Variants in ADAMTSL1 observed in about 807,000 individuals in gnomAD.
ADAMTSL1 encodes ADAMTS-like protein 1.
A neutral mutation model predicts 201.8 loss-of-function variants in ADAMTSL1; 126 were observed. The observed-to-expected ratio is 0.62, with a 90% CI of 0.54 to 0.72. The LOEUF (loss-of-function observed/expected upper bound fraction) is 0.72, where lower values mean the gene tolerates loss of function less well. Among genes scored for constraint, ADAMTSL1 ranks in the 30% least tolerant of loss-of-function variants. ADAMTSL1 has a pLI of 0.00. For missense variants in ADAMTSL1, 2,679 were observed against 2,277.8 expected, an observed-to-expected ratio of 1.18 and a Z score of -3.59; for synonymous variants, 1,121 against 903.4, an observed-to-expected ratio of 1.24 and a Z score of -4.32.
chr9:18,061,959 GT>G (rs1822477360), intron 1 of ADAMTSL1, among the ~76,000 whole-genome samples: 1 of 152,134 alleles, frequency 6.6e-6, no homozygotes, highest in Non-Finnish European at 1.5e-5. Flanking sequence ...CATGGTGTTT[GT>G]TTTGTCATTT....
At chr9:17,967,208 G>A (rs2131415113) in intron 1 of ADAMTSL1, among the ~76,000 whole-genome samples, 1 of 152,196 alleles carries the variant, frequency 6.6e-6, no homozygotes, top group Middle Eastern at 3.4e-3. Context: ...CATTCTTAGA[G>A]TTGGAATGTC....
chr9:18,474,092 C>A (rs971464127), upstream of ADAMTSL1: 13 of 622,654 alleles, frequency 2.1e-5, no homozygotes, highest in Non-Finnish European at 3.1e-5. Context: ...ACCCACCCCT[C>A]GGTCAGGAAA....
chr9:18,505,016 G>C, intron 2 of ADAMTSL1, 60 bp downstream of exon 2: 1 of 1,558,282 alleles, frequency 6.4e-7, no homozygotes, highest in East Asian at 2.3e-5. Context: ...TTTGAGGCAT[G>C]CTTTTGTGAT....
chr9:18,239,822 C>T (rs1295481680), intron 2 of ADAMTSL1, among the ~76,000 whole-genome samples: 1 of 151,840 alleles, frequency 6.6e-6, no homozygotes, highest in East Asian at 1.9e-4. Flanking sequence ...AAGGAGAAAC[C>T]ACTATCAGTG....
At chr9:17,940,743 A>G (rs1244268024) in intron 1 of ADAMTSL1, among the ~76,000 whole-genome samples, 2 of 150,936 alleles carry the variant, frequency 1.3e-5, no homozygotes, top group Non-Finnish European at 3.0e-5. Context: ...AAAAGAAAAA[A>G]AATGAGACCC....
At chr9:18,410,037 G>C (rs1393118393) in intron 2 of ADAMTSL1, among the ~76,000 whole-genome samples, 2 of 151,584 alleles carry the variant, frequency 1.3e-5, no homozygotes, top group African/African-American at 2.4e-5. Context: ...TTAATATTGA[G>C]CTTGGCGTTT....
chr9:18,907,255 A>G (rs1830369165), intron 28 of ADAMTSL1: 2 of 296,992 alleles, frequency 6.7e-6, no homozygotes. Flanking sequence ...CTCAGGGGCC[A>G]GGCTACTAAA....
At chr9:18,100,202 T>C (rs1824455589) in intron 1 of ADAMTSL1, among the ~76,000 whole-genome samples, 1 of 152,174 alleles carries the variant, frequency 6.6e-6, no homozygotes. Context: ...TGCTTGTTCT[T>C]TTTGGCTTTC....
At chr9:18,589,560 C>T (rs1181004321) in intron 4 of ADAMTSL1, among the ~76,000 whole-genome samples, 1 of 152,064 alleles carries the variant, frequency 6.6e-6, no homozygotes, top group Non-Finnish European at 1.5e-5. Flanking sequence ...TTTAGATGCC[C>T]TTAATTTTTT....
chr9:17,999,470 G>A (rs1041992392), intron 1 of ADAMTSL1, among the ~76,000 whole-genome samples: 2 of 151,850 alleles, frequency 1.3e-5, no homozygotes, highest in African/African-American at 4.8e-5. Context: ...GTAGATTTTT[G>A]TTATACTTGC....
chr9:18,677,761 A>G (rs529650278), intron 10 of ADAMTSL1, among the ~76,000 whole-genome samples: 1 of 152,152 alleles, frequency 6.6e-6, no homozygotes, highest in South Asian at 2.1e-4. Flanking sequence ...ATGTCCTTGT[A>G]TACACTCTTG....
intron 2 of ADAMTSL1, among the ~76,000 whole-genome samples, chr9:18,524,779 C>T (rs1185097684): frequency 2.0e-5 from 3 of 152,148 alleles, no homozygotes; most frequent in East Asian, 1.9e-4. Context: ...CCTTGAATCC[C>T]AGGGATGAAG....
chr9:18,350,052 G>T (rs954459340), intron 2 of ADAMTSL1, among the ~76,000 whole-genome samples: 1 of 151,900 alleles, frequency 6.6e-6, no homozygotes, highest in Non-Finnish European at 1.5e-5. Context: ...GCCAGAAATG[G>T]AAAAATACTC....
At chr9:18,244,517 C>T (rs577606122) in intron 2 of ADAMTSL1, among the ~76,000 whole-genome samples, 2 of 152,168 alleles carry the variant, frequency 1.3e-5, no homozygotes, top group East Asian at 3.9e-4. Context: ...CAACTACTCT[C>T]TCCTTCCCAA....
At chr9:18,060,014 G>A (rs1359002309) in intron 1 of ADAMTSL1, among the ~76,000 whole-genome samples, 1 of 152,162 alleles carries the variant, frequency 6.6e-6, no homozygotes, top group Non-Finnish European at 1.5e-5. Context: ...ATAGTAGATA[G>A]TAACATAGTA....
chr9:18,332,767 T>C (rs991084060), intron 2 of ADAMTSL1, among the ~76,000 whole-genome samples: 3 of 152,306 alleles, frequency 2.0e-5, no homozygotes, highest in South Asian at 2.1e-4. Context: ...CTGCAGGCAT[T>C]GTATCCTCTG....
In ADAMTSL1 at chr9:18,197,024, A is replaced by C. The variant is rs916732531; in HGVS notation, c.207+33043A>C. Among the ~76,000 whole-genome samples, 8 of 152,302 alleles carry C rather than the reference A, an allele frequency of 5.3e-5. 1 individual carries two copies. Among genetic ancestry groups the C allele is most frequent in the Admixed American group, 5.2e-4 (8 of 15,288 alleles). ...GTTTCCTTCAAAGTGCTTTTAACAC[A>C]TCTGGCAACTGCATTTATCTGATTG... On this transcript the variant is annotated intron_variant, in intron 2 of 29. Transcript: ENST00000680146.
At chr9:18,313,716 G>A (rs568681858) in intron 2 of ADAMTSL1, among the ~76,000 whole-genome samples, 1 of 152,302 alleles carries the variant, frequency 6.6e-6, no homozygotes, top group East Asian at 1.9e-4. Context: ...GACATGAGCA[G>A]TGTTCTAGGA....
chr9:18,227,117 T>C (rs1421604594), intron 2 of ADAMTSL1, among the ~76,000 whole-genome samples: 3 of 152,120 alleles, frequency 2.0e-5, no homozygotes, highest in African/African-American at 7.2e-5. Flanking sequence ...CTCCATTTTT[T>C]CCTAACAAAA....
Sources: allele counts gnomAD v4.1 joint callset (sites outside exome capture counted in the v4.1 genomes callset), GRCh38; gene constraint gnomAD v4.1.1; transcripts MANE v1.5; gene names NCBI Gene and HGNC (gene_info 2026-07-23, HGNC 2026-07-21).